The following DMD variants were observed in gnomAD, a reference collection of about 807,000 sequenced individuals.
DMD encodes the protein dystrophin.
In DMD, 63 loss-of-function variants were observed where a neutral mutation model predicts 330.1. The observed-to-expected ratio is 0.19, with a 90% CI of 0.16 to 0.24. The LOEUF is 0.24. Among genes scored for constraint, DMD ranks in the 10% least tolerant of loss-of-function variants. The probability of loss-of-function intolerance (pLI) is 1.00; values close to 1 mark genes in which losing one functional copy is unlikely to be tolerated. For missense variants in DMD, 3,344 were observed against 2,684.1 expected (o/e 1.25, Z -5.43); for synonymous variants, 1,223 against 959.8 (o/e 1.27, Z -5.07).
intron 51 of DMD, among the ~76,000 whole-genome samples, chrX:31,749,200 A>T (rs770367427): frequency 5.5e-5 from 6 of 108,600 alleles, no homozygotes; most frequent in East Asian, 5.9e-4. Flanking sequence ...TGTGCAGGTT[A>T]GTTACATATG....
At chrX:32,570,211 A>T (rs5928015) in intron 15 of DMD, among the ~76,000 whole-genome samples, 9,721 of 111,111 alleles carry the variant, frequency 0.087, 403 homozygotes, top group Middle Eastern at 0.14. Flanking sequence ...ATACCTAGAC[A>T]TGTAGTGAAA....
intron 2 of DMD, among the ~76,000 whole-genome samples, chrX:32,937,038 G>A (rs773739362): frequency 5.0e-4 from 56 of 111,547 alleles, no homozygotes; most frequent in African/African-American, 1.8e-3. Flanking sequence ...GTAGAAACTG[G>A]AGGATTGATT....
At chrX:33,211,610 G>A (rs940884641), upstream of DMD, 2 of 951,930 alleles carry the variant, frequency 2.1e-6, no homozygotes, top group African/African-American at 4.0e-5. Flanking sequence ...ACAAGCAAGT[G>A]ACCCGCCTTC....
chrX:32,546,766 G>C (rs170607), intron 16 of DMD, among the ~76,000 whole-genome samples: 39,983 of 109,892 alleles, frequency 0.36, 5,850 homozygotes, highest in East Asian at 0.6. Context: ...TATTTAGAAT[G>C]AATCACTGAA....
At chrX:32,778,922 T>A (rs1016638648) in intron 7 of DMD, among the ~76,000 whole-genome samples, 21 of 111,394 alleles carry the variant, frequency 1.9e-4, no homozygotes, top group Admixed American at 1.9e-4. Flanking sequence ...TGAGTATCCT[T>A]GGGGAGCCAG....
intron 13 of DMD, among the ~76,000 whole-genome samples, chrX:32,589,630 C>T (rs751926542): frequency 9.1e-6 from 1 of 110,492 alleles, no homozygotes; most frequent in African/African-American, 3.3e-5. Flanking sequence ...GAAGTCAGAC[C>T]CTTTGTATCT....
intron 7 of DMD, among the ~76,000 whole-genome samples, chrX:32,743,005 T>C (rs1037211035): frequency 9.0e-6 from 1 of 111,336 alleles, no homozygotes; most frequent in Non-Finnish European, 1.9e-5. Context: ...GTGCTGATGA[T>C]ACCCTGTCTC....
intron 1 of DMD, among the ~76,000 whole-genome samples, chrX:33,065,140 G>A (rs1603201002): frequency 9.0e-6 from 1 of 111,389 alleles, no homozygotes; most frequent in African/African-American, 3.3e-5. Flanking sequence ...AGGCAAATTG[G>A]TGTTTACCTA....
intron 60 of DMD, among the ~76,000 whole-genome samples, chrX:31,432,596 C>T (rs2064167371): frequency 1.8e-5 from 2 of 111,451 alleles, no homozygotes; most frequent in Non-Finnish European, 3.8e-5. Flanking sequence ...AAAATGTCTT[C>T]GAATATTGTA....
intron 41 of DMD, among the ~76,000 whole-genome samples, chrX:32,311,348 A>G (rs1420160310): frequency 9.0e-6 from 1 of 111,003 alleles, no homozygotes; most frequent in Non-Finnish European, 1.9e-5. Context: ...CAGTAATGTA[A>G]TACATTGGAC....
At chrX:32,687,776 C>T (rs896730779) in intron 9 of DMD, among the ~76,000 whole-genome samples, 4 of 110,710 alleles carry the variant, frequency 3.6e-5, no homozygotes, top group Admixed American at 9.7e-5. Context: ...TTTTTATAAG[C>T]TCCCAAGTTT....
intron 4 of DMD, among the ~76,000 whole-genome samples, chrX:32,829,454 C>A (rs2078994531): frequency 9.0e-6 from 1 of 111,444 alleles, no homozygotes; most frequent in Non-Finnish European, 1.9e-5. Context: ...TCTGTATCTG[C>A]TGTCATGCGT....
At chrX:31,348,301 T>C in intron 61 of DMD, 1 of 384,071 alleles carries the variant, frequency 2.6e-6, no homozygotes, top group East Asian at 4.6e-5. Context: ...AATATTAATA[T>C]GGTTAACATT....
intron 7 of DMD, among the ~76,000 whole-genome samples, chrX:32,790,116 G>C (rs1373333159): frequency 8.9e-6 from 1 of 111,829 alleles, no homozygotes; most frequent in Non-Finnish European, 1.9e-5. Flanking sequence ...TGGCTGAATT[G>C]ATGGATCTGT....
At chrX:32,824,853 A>C in intron 4 of DMD, among the ~76,000 whole-genome samples, 1 of 111,967 alleles carries the variant, frequency 8.9e-6, no homozygotes, top group Non-Finnish European at 1.9e-5. Context: ...TTTTAGTTTT[A>C]TAAGATGTTA....
At position 33,081,007 on chromosome X, in the gene DMD, C is replaced by CACAAAAAA. The variant is rs1441153335; in HGVS notation, c.32-60808_32-60807insTTTTTTGT. Among the ~76,000 whole-genome samples the CACAAAAAA allele has an allele frequency of 1.7e-3, 166 of 98,037 alleles. 1 individual carries two copies. The highest frequency in any genetic ancestry group is 6.3e-3 in the African/African-American group (155 of 24,552). The allele number at this position is 98,037 out of a possible 115,157, so 85.1% of individuals were successfully genotyped here. On this transcript the variant is annotated intron_variant, in intron 1 of 78. Coordinates refer to ENST00000357033, the MANE Select transcript of DMD (RefSeq NM_004006.3). ...ACACACACACACACACACACACACACAAAAACACATGTAAATACAGACAGA... is the reference window on the plus strand; with the variant it reads ...ACACACACACACACACACACACACACACAAAAAAAAAAACACATGTAAATACAGACAGA...
chrX:32,205,039 A>C (rs991606268), intron 44 of DMD, among the ~76,000 whole-genome samples: 70 of 86,585 alleles, frequency 8.1e-4, no homozygotes, highest in African/African-American at 3.0e-3. Context: ...ACACACACAC[A>C]CACCCACACA....
intron 74 of DMD, 62 bp downstream of exon 74, chrX:31,169,381 T>A: frequency 1.1e-6 from 1 of 908,671 alleles, no homozygotes; most frequent in Non-Finnish European, 1.6e-6. Context: ...TCCTGGCACT[T>A]TTCTATGTGT....
intron 44 of DMD, among the ~76,000 whole-genome samples, chrX:32,078,579 T>C (rs924586046): frequency 8.9e-6 from 1 of 112,513 alleles, no homozygotes; most frequent in Non-Finnish European, 1.9e-5. Flanking sequence ...GTCTTAGCCA[T>C]ATTGGCTTAT....
Sources: gnomAD v4.1 joint callset for allele counts (sites outside exome capture counted in the v4.1 genomes callset) on GRCh38, gnomAD v4.1.1 for gene constraint, MANE v1.5 for transcripts, NCBI Gene and HGNC (gene_info 2026-07-23, HGNC 2026-07-21) for gene names.